The following PLCE1 variants were observed in gnomAD, a reference collection of about 807,000 sequenced individuals.
The protein encoded by PLCE1 is phospholipase C epsilon 1, also known as 1-phosphatidylinositol 4,5-bisphosphate phosphodiesterase epsilon-1.
Under a neutral mutation model 242.8 loss-of-function variants are expected in PLCE1, and 119 were observed. The ratio of observed to expected loss-of-function variants is 0.49; its 90% confidence interval spans 0.42 to 0.57. The LOEUF is 0.57. Among genes scored for constraint, PLCE1 ranks in the 20% least tolerant of loss-of-function variants. The pLI is 0.00. For missense variants in PLCE1, 2,441 were observed against 2,788.8 expected (o/e 0.88, Z 2.81); for synonymous variants, 945 against 1,017.4 (o/e 0.93, Z 1.35).
At chr10:94,060,987 C>T (rs1355052698) in intron 2 of PLCE1, among the ~76,000 whole-genome samples, 1 of 152,054 alleles carries the variant, frequency 6.6e-6, no homozygotes, top group Non-Finnish European at 1.5e-5. Context: ...GTGTGAGCCA[C>T]CACGCCCAGC....
chr10:94,021,045 G>T (rs185771189), intron 1 of PLCE1, among the ~76,000 whole-genome samples: 1 of 152,018 alleles, frequency 6.6e-6, no homozygotes, highest in African/African-American at 2.4e-5. Flanking sequence ...TGGCCAGGCT[G>T]GTCTTGAACT....
chr10:94,320,822 G>GTTGCT (rs1372269495), intron 29 of PLCE1, among the ~76,000 whole-genome samples: 1 of 152,192 alleles, frequency 6.6e-6, no homozygotes, highest in Non-Finnish European at 1.5e-5. Flanking sequence ...ATTCAAGGGT[G>GTTGCT]TTGCTTTACA....
At chr10:94,004,887 G>A (rs1482163290) in intron 1 of PLCE1, among the ~76,000 whole-genome samples, 1 of 152,182 alleles carries the variant, frequency 6.6e-6, no homozygotes, top group African/African-American at 2.4e-5. Flanking sequence ...GAAACAAGAT[G>A]TTGCTCACTC....
At chr10:94,123,445 C>T (rs932397398) in intron 2 of PLCE1, among the ~76,000 whole-genome samples, 1 of 152,174 alleles carries the variant, frequency 6.6e-6, no homozygotes, top group Non-Finnish European at 1.5e-5. Flanking sequence ...GTGTCTTGCT[C>T]GTGCATGGTC....
chr10:94,165,673 T>G (rs2047778336), intron 3 of PLCE1, among the ~76,000 whole-genome samples: 1 of 152,038 alleles, frequency 6.6e-6, no homozygotes, highest in African/African-American at 2.4e-5. Flanking sequence ...ATGAGAAGAT[T>G]GAGATTTTGT....
Position 94,234,090 on chromosome 10 carries a change from C to A in PLCE1, c.1992C>A (p.Asp664Glu). Residue 664 changes from aspartate (D) to glutamate (E), a missense_variant, in exon 6 of 33, where the codon GAC becomes GAA. Around this residue, in one of 5 missense-constraint regions of PLCE1, gnomAD observed 733 missense variants for 754.2 expected, o/e 0.97. Coordinates refer to ENST00000371380, the MANE Select transcript of PLCE1 (RefSeq NM_016341.4). ...RKVLKMWQFM[D>E]QSDIETMRSL... The stretch of plus-strand genomic sequence containing the variant: ...TTTTAAAAATGTGGCAGTTCATGGA[C>A]CAGTCTGATATTGAGACCATGAGGA... The A allele has an allele frequency of 6.2e-7, 1 of 1,613,832 alleles. No homozygotes were observed. The highest frequency in any genetic ancestry group is 8.5e-7 in the Non-Finnish European group (1 of 1,179,760).
intron 3 of PLCE1, among the ~76,000 whole-genome samples, chr10:94,147,484 G>GAAGA (rs58280560): frequency 0.9 from 135,748 of 150,010 alleles, 61,719 homozygotes; most frequent in South Asian, 0.98. Flanking sequence ...GGAGAGAAAG[G>GAAGA]AAGAAAGAAA....
intron 23 of PLCE1, among the ~76,000 whole-genome samples, chr10:94,297,627 A>AAAAAAGG (rs2052885081): frequency 9.1e-6 from 1 of 109,570 alleles, no homozygotes; most frequent in Non-Finnish European, 1.9e-5. Flanking sequence ...AAAAAAAAAA[A>AAAAAAGG]GTGCAGTATC....
intron 14 of PLCE1, 99 bp from the exon 15 acceptor site, chr10:94,265,548 T>C: frequency 9.5e-7 from 1 of 1,050,190 alleles, no homozygotes; most frequent in Non-Finnish European, 1.5e-6. Context: ...AGATGTTTCC[T>C]GATGAAAACA....
chr10:94,285,693 A>T (rs2133349148), intron 22 of PLCE1, among the ~76,000 whole-genome samples: 1 of 152,142 alleles, frequency 6.6e-6, no homozygotes, highest in African/African-American at 2.4e-5. Context: ...TGGGTCCTTT[A>T]CCAATCACTG....
chr10:94,099,007 G>A (rs1347421636), intron 2 of PLCE1, among the ~76,000 whole-genome samples: 1 of 152,208 alleles, frequency 6.6e-6, no homozygotes, highest in African/African-American at 2.4e-5. Flanking sequence ...AAGTGGAAGT[G>A]CCTTTGCTTG....
At chr10:94,325,183 T>C in intron 32 of PLCE1, 79 bp downstream of exon 32, 1 of 1,017,476 alleles carries the variant, frequency 9.8e-7, no homozygotes, top group East Asian at 2.4e-5. Context: ...TAGTACAATG[T>C]CTTTTATCTT....
intron 28 of PLCE1, chr10:94,315,179 T>C: frequency 3.3e-6 from 1 of 304,676 alleles, no homozygotes; most frequent in East Asian, 8.5e-5. Context: ...CAGCATTTCA[T>C]CATTTATAGA....
chr10:94,279,630 A>T, intron 19 of PLCE1, 152 bp from the exon 20 acceptor site: 1 of 760,786 alleles, frequency 1.3e-6, no homozygotes, highest in Non-Finnish European at 2.2e-6. Flanking sequence ...TTGCATTTCG[A>T]GGGAATCTAG....
chr10:94,158,448 T>C (rs931754895), intron 3 of PLCE1, among the ~76,000 whole-genome samples: 1 of 152,210 alleles, frequency 6.6e-6, no homozygotes, highest in Non-Finnish European at 1.5e-5. Flanking sequence ...CAGTGACAGA[T>C]ACTGATAAAA....
chr10:94,142,191 C>T lies in PLCE1; in HGVS notation c.1492+9732C>T, dbSNP rs7912201. Among the ~76,000 whole-genome samples the T allele has an allele frequency of 2.7e-3, 408 of 152,104 alleles. 2 individuals carry two copies. The highest frequency in any genetic ancestry group is 9.1e-3 in the African/African-American group (379 of 41,478). ...AAAATGGGAATAAAAGCAACAACTT[C>T]GGAGAGTTGTTTTGAGGAATAAGTG... On this transcript the variant is annotated intron_variant, in intron 3 of 32. Coordinates refer to ENST00000371380, the MANE Select transcript of PLCE1 (RefSeq NM_016341.4).
chr10:94,324,661 A>G (rs1320071706), intron 31 of PLCE1, 94 bp downstream of exon 31: 3 of 1,139,858 alleles, frequency 2.6e-6, no homozygotes, highest in Non-Finnish European at 4.0e-6. Flanking sequence ...ATTTAGGAGA[A>G]AGTTCCTGAG....
intron 2 of PLCE1, among the ~76,000 whole-genome samples, chr10:94,046,353 G>C (rs2061883109): frequency 6.6e-6 from 1 of 152,180 alleles, no homozygotes; most frequent in African/African-American, 2.4e-5. Flanking sequence ...GCAAGACACT[G>C]AGCCCAGCAG....
chr10:94,027,820 AAAATAAATAAAT>A (rs5787098), intron 1 of PLCE1, among the ~76,000 whole-genome samples: 4 of 149,296 alleles, frequency 2.7e-5, no homozygotes, highest in African/African-American at 5.0e-5. Context: ...ACTCCATCTC[AAAATAAATAAAT>A]AAATAAATAA....
Sources: gnomAD v4.1 joint callset for allele counts (sites outside exome capture counted in the v4.1 genomes callset) on GRCh38, gnomAD v4.1.1 for gene constraint, gnomAD v4.1.1 regional missense constraint, MANE v1.5 for transcripts, NCBI Gene and HGNC (gene_info 2026-07-23, HGNC 2026-07-21) for gene names.